The following SETBP1 variants were observed in gnomAD, a reference collection of about 807,000 sequenced individuals.
The protein encoded by SETBP1 is SET binding protein 1.
A neutral mutation model predicts 101.0 loss-of-function variants in SETBP1; 9 were observed. The ratio of observed to expected loss-of-function variants is 0.09; its 90% confidence interval spans 0.05 to 0.16. The LOEUF is 0.16. Among genes scored for constraint, SETBP1 ranks in the 10% least tolerant of loss-of-function variants. SETBP1 has a pLI of 1.00. For synonymous variants in SETBP1, 818 were observed against 788.5 expected (o/e 1.04, Z -0.63); for missense variants, 1,858 against 2,033.8 (o/e 0.91, Z 1.66).
chr18:44,957,562 G>T (rs1021626555), intron 4 of SETBP1, among the ~76,000 whole-genome samples: 1 of 152,086 alleles, frequency 6.6e-6, no homozygotes, highest in African/African-American at 2.4e-5. Context: ...TAGGTAGCTG[G>T]ATTCCCTGGC....
At chr18:45,057,990 A>G (rs781503687) in intron 5 of SETBP1, among the ~76,000 whole-genome samples, 8 of 152,258 alleles carry the variant, frequency 5.3e-5, no homozygotes, top group Non-Finnish European at 1.0e-4. Flanking sequence ...TGATGAGCCA[A>G]TCTTCTGATA....
intron 2 of SETBP1, among the ~76,000 whole-genome samples, chr18:44,865,870 A>T (rs1369279638): frequency 6.6e-6 from 1 of 152,220 alleles, no homozygotes; most frequent in Non-Finnish European, 1.5e-5. Context: ...CCCAGGTCAG[A>T]TAACACCTTC....
At chr18:44,984,479 C>T (rs1343233454) in intron 4 of SETBP1, among the ~76,000 whole-genome samples, 5 of 152,094 alleles carry the variant, frequency 3.3e-5, no homozygotes, top group Non-Finnish European at 5.9e-5. Context: ...GGAGCTCAGG[C>T]GGTAATGCTC....
intron 4 of SETBP1, among the ~76,000 whole-genome samples, chr18:45,029,765 T>C (rs922704685): frequency 2.6e-5 from 4 of 152,326 alleles, no homozygotes; most frequent in Middle Eastern, 3.4e-3. Context: ...TTATTCCCTT[T>C]GAAGCAATTG....
At chr18:44,801,528 C>G (rs1186937729) in intron 2 of SETBP1, among the ~76,000 whole-genome samples, 1 of 152,114 alleles carries the variant, frequency 6.6e-6, no homozygotes, top group African/African-American at 2.4e-5. Context: ...CAGCCATACT[C>G]AGCAGTAGAA....
At chr18:44,848,181 A>G (rs1358473616) in intron 2 of SETBP1, among the ~76,000 whole-genome samples, 1 of 152,150 alleles carries the variant, frequency 6.6e-6, no homozygotes, top group Non-Finnish European at 1.5e-5. Context: ...AGAACAGCAA[A>G]GAGTCAGTGT....
chr18:44,768,030 C>T (rs564392960), intron 2 of SETBP1, among the ~76,000 whole-genome samples: 4 of 152,264 alleles, frequency 2.6e-5, no homozygotes, highest in East Asian at 1.9e-4. Context: ...TTTTCTTTCC[C>T]GTAATAGACT....
In SETBP1 at chr18:44,874,805, G is replaced by A. The variant is rs530521266; in HGVS notation, c.540+5522G>A. Among the ~76,000 whole-genome samples, 45 of 152,280 alleles carry A rather than the reference G, an allele frequency of 3.0e-4. No homozygotes were observed. The South Asian group carries it at 8.9e-3, about 30-fold the overall frequency. On this transcript the variant is annotated intron_variant, in intron 3 of 5. Transcript: ENST00000649279. ...CACAACCATCTGCAGAACAATCCTG[G>A]GTTCCATGAGTCCTCAACCAGAAGT...
At chr18:44,814,063 C>T (rs2071922371) in intron 2 of SETBP1, among the ~76,000 whole-genome samples, 1 of 151,986 alleles carries the variant, frequency 6.6e-6, no homozygotes, top group Non-Finnish European at 1.5e-5. Flanking sequence ...AGGACCCAGG[C>T]AAAAAATAAC....
chr18:44,956,728 A>G (rs1206810240), intron 4 of SETBP1, among the ~76,000 whole-genome samples: 2 of 152,204 alleles, frequency 1.3e-5, no homozygotes, highest in African/African-American at 4.8e-5. Context: ...GAAAGATACC[A>G]TCTAAACGTA....
intron 3 of SETBP1, among the ~76,000 whole-genome samples, chr18:44,879,981 C>T (rs1954532872): frequency 6.6e-6 from 1 of 152,196 alleles, no homozygotes; most frequent in Non-Finnish European, 1.5e-5. Flanking sequence ...ATTTAAGCAA[C>T]TTTCTCAGGC....
chr18:44,725,212 G>A (rs1450971495), intron 2 of SETBP1, among the ~76,000 whole-genome samples: 1 of 152,142 alleles, frequency 6.6e-6, no homozygotes, highest in African/African-American at 2.4e-5. Flanking sequence ...TGCTGTTATT[G>A]TTCTTTTCTT....
At chr18:45,018,740 G>C (rs771417056) in intron 4 of SETBP1, among the ~76,000 whole-genome samples, 1 of 152,172 alleles carries the variant, frequency 6.6e-6, no homozygotes, top group African/African-American at 2.4e-5. Context: ...GCTCAAAACA[G>C]AGCAGTGGTT....
chr18:44,777,859 AT>A (rs2071036816), intron 2 of SETBP1, among the ~76,000 whole-genome samples: 1 of 152,194 alleles, frequency 6.6e-6, no homozygotes, highest in Admixed American at 6.5e-5. Context: ...CAAGCACTTT[AT>A]TTGTCTATTG....
intron 2 of SETBP1, among the ~76,000 whole-genome samples, chr18:44,816,169 G>GA (rs2071971710): frequency 6.6e-6 from 1 of 152,216 alleles, no homozygotes; most frequent in Admixed American, 6.5e-5. Context: ...GGCAGGTGGG[G>GA]AAGGGAACAG....
intron 3 of SETBP1, among the ~76,000 whole-genome samples, chr18:44,890,052 C>T (rs994950703): frequency 1.3e-5 from 2 of 152,134 alleles, no homozygotes; most frequent in South Asian, 4.1e-4. Context: ...TTAACATCTG[C>T]ATCACCTAAC....
chr18:45,036,504 A>G (rs2073402042), intron 4 of SETBP1, among the ~76,000 whole-genome samples: 1 of 152,206 alleles, frequency 6.6e-6, no homozygotes. Flanking sequence ...GCACACCTGC[A>G]AATTTTACAA....
chr18:44,988,167 G>A (rs1488524983), intron 4 of SETBP1: 1 of 152,048 alleles, frequency 6.6e-6, no homozygotes, highest in East Asian at 1.9e-4. Context: ...TAAAACTTTC[G>A]ACCTAGGATT....
At chr18:44,733,994 C>T (rs2069902210) in intron 2 of SETBP1, among the ~76,000 whole-genome samples, 1 of 152,166 alleles carries the variant, frequency 6.6e-6, no homozygotes, top group African/African-American at 2.4e-5. Context: ...CATCACAATT[C>T]AGGGCCTTCA....
Sources: gnomAD v4.1 joint callset for allele counts (sites outside exome capture counted in the v4.1 genomes callset) on GRCh38, gnomAD v4.1.1 for gene constraint, MANE v1.5 for transcripts, NCBI Gene and HGNC (gene_info 2026-07-23, HGNC 2026-07-21) for gene names.